MKLN1: variants seen among roughly 807,000 people sequenced by gnomAD.
MKLN1 encodes the protein muskelin.
In MKLN1, 18 loss-of-function variants were observed where a neutral mutation model predicts 99.0. That is an observed-to-expected ratio of 0.18 (90% CI 0.13 to 0.27). The LOEUF is 0.27. Among genes scored for constraint, MKLN1 ranks in the 10% least tolerant of loss-of-function variants. MKLN1 has a pLI of 1.00. For missense variants in MKLN1, 621 were observed against 875.9 expected, an observed-to-expected ratio of 0.71 and a Z score of 3.67; for synonymous variants, 288 against 293.2, an observed-to-expected ratio of 0.98 and a Z score of 0.18.
At chr7:131,203,196 T>C (rs1475163695) in intron 3 of MKLN1, among the ~76,000 whole-genome samples, 2 of 152,242 alleles carry the variant, frequency 1.3e-5, no homozygotes, top group African/African-American at 4.8e-5. Context: ...ACTGTATTTT[T>C]AGGCAGGAGT....
intron 8 of MKLN1, among the ~76,000 whole-genome samples, chr7:131,419,954 G>A (rs1383594196): frequency 6.6e-6 from 1 of 152,172 alleles, no homozygotes; most frequent in Non-Finnish European, 1.5e-5. Context: ...ATTGAGTGAA[G>A]GGCAGCGAGT....
intron 15 of MKLN1, among the ~76,000 whole-genome samples, chr7:131,466,916 C>CAG (rs1207761767): frequency 1.1e-4 from 16 of 150,382 alleles, no homozygotes; most frequent in African/African-American, 3.7e-4. Context: ...CACACACACA[C>CAG]ACACACACGC....
intron 6 of MKLN1, among the ~76,000 whole-genome samples, chr7:131,409,544 G>T (rs995660322): frequency 2.6e-5 from 4 of 152,108 alleles, no homozygotes; most frequent in Non-Finnish European, 2.9e-5. Context: ...GTTAAAGCCA[G>T]CTGAAAAGTC....
chr7:131,118,515 T>C (rs1227373357), intron 1 of MKLN1, among the ~76,000 whole-genome samples: 2 of 151,424 alleles, frequency 1.3e-5, no homozygotes, highest in African/African-American at 4.9e-5. Context: ...ATGGCGTCAT[T>C]GCACTCCAGC....
intron 17 of MKLN1, chr7:131,478,992 C>T (rs1173019269): frequency 6.2e-6 from 2 of 324,822 alleles, no homozygotes; most frequent in South Asian, 4.4e-5. Flanking sequence ...CTGATACACA[C>T]TATGAGATAA....
chr7:131,230,576 A>G (rs1584853582), intron 3 of MKLN1, among the ~76,000 whole-genome samples: 1 of 152,330 alleles, frequency 6.6e-6, no homozygotes, highest in South Asian at 2.1e-4. Flanking sequence ...TTTCCAGTTT[A>G]TCTGTTGTTC....
intron 10 of MKLN1, among the ~76,000 whole-genome samples, chr7:131,441,678 A>G (rs1795845552): frequency 6.6e-6 from 1 of 152,236 alleles, no homozygotes; most frequent in Non-Finnish European, 1.5e-5. Context: ...AGAACTACCA[A>G]GATAAAGATG....
At chr7:131,254,808 A>G (rs1388282267) in intron 3 of MKLN1, among the ~76,000 whole-genome samples, 1 of 152,206 alleles carries the variant, frequency 6.6e-6, no homozygotes, top group Non-Finnish European at 1.5e-5. Flanking sequence ...GTGAAATACC[A>G]TTAAACACAT....
chr7:131,193,609 C>T (rs960595786), intron 2 of MKLN1, among the ~76,000 whole-genome samples: 14 of 152,038 alleles, frequency 9.2e-5, no homozygotes, highest in African/African-American at 2.7e-4. Flanking sequence ...TTCCTGACCT[C>T]GTGATCCGCC....
intron 12 of MKLN1, among the ~76,000 whole-genome samples, chr7:131,447,294 A>G (rs1411938021): frequency 6.6e-6 from 1 of 152,236 alleles, no homozygotes; most frequent in Non-Finnish European, 1.5e-5. Flanking sequence ...TACCCTATCT[A>G]AAATTGTCTT....
At chr7:131,125,124 G>A (rs941852825) in intron 1 of MKLN1, among the ~76,000 whole-genome samples, 3 of 152,196 alleles carry the variant, frequency 2.0e-5, no homozygotes, top group African/African-American at 7.2e-5. Flanking sequence ...CATCAGTAAT[G>A]CTTTCCCAAT....
At chr7:131,112,186 C>T (rs1463739595) in intron 1 of MKLN1, among the ~76,000 whole-genome samples, 2 of 152,176 alleles carry the variant, frequency 1.3e-5, no homozygotes, top group Non-Finnish European at 2.9e-5. Flanking sequence ...GCCTGGATGA[C>T]CTTGAGTGAG....
At chr7:131,128,190 G>A (rs1451786584) in intron 1 of MKLN1, among the ~76,000 whole-genome samples, 2 of 143,548 alleles carry the variant, frequency 1.4e-5, no homozygotes, top group African/African-American at 2.6e-5. Context: ...AGGGACCGAA[G>A]TATCGCCTCT....
chr7:131,287,477 C>G (rs1798150077), intron 3 of MKLN1, among the ~76,000 whole-genome samples: 2 of 152,188 alleles, frequency 1.3e-5, no homozygotes, highest in Non-Finnish European at 2.9e-5. Context: ...CTCCTTTTAT[C>G]TCTTAAAGTT....
chr7:131,483,560 C>T (rs1029302499), intron 17 of MKLN1, among the ~76,000 whole-genome samples: 1 of 152,216 alleles, frequency 6.6e-6, no homozygotes, highest in Non-Finnish European at 1.5e-5. Flanking sequence ...TCATGGTCAA[C>T]ATCACTCTAA....
chr7:131,417,810 A>G (rs1338930779), intron 8 of MKLN1, among the ~76,000 whole-genome samples: 1 of 152,242 alleles, frequency 6.6e-6, no homozygotes, highest in Non-Finnish European at 1.5e-5. Flanking sequence ...AGAAGGACAC[A>G]TACCAAAATA....
At chr7:131,290,880 TA>T (rs1798205476) in intron 3 of MKLN1, among the ~76,000 whole-genome samples, 1 of 152,158 alleles carries the variant, frequency 6.6e-6, no homozygotes, top group South Asian at 2.1e-4. Context: ...CAACATGAGC[TA>T]AAAGCTATAG....
intron 2 of MKLN1, among the ~76,000 whole-genome samples, chr7:131,376,124 A>ATG (rs1169936928): frequency 0.091 from 131 of 1,432 alleles, 3 homozygotes; most frequent in South Asian, 0.14. Context: ...ATATATATAT[A>ATG]TATATATATA....
intron 1 of MKLN1, among the ~76,000 whole-genome samples, chr7:131,121,492 G>T (rs1418878133): frequency 1.3e-5 from 2 of 151,924 alleles, no homozygotes; most frequent in African/African-American, 4.8e-5. Context: ...CAAAAAATTA[G>T]CTGGGTGTGG....
Sources: allele counts gnomAD v4.1 joint callset (sites outside exome capture counted in the v4.1 genomes callset), GRCh38; gene constraint gnomAD v4.1.1; transcripts MANE v1.5; gene names NCBI Gene and HGNC (gene_info 2026-07-23, HGNC 2026-07-21).